ZNF768: variants seen among roughly 807,000 people sequenced by gnomAD.
The protein encoded by ZNF768 is zinc finger protein 768.
A neutral mutation model predicts 39.7 loss-of-function variants in ZNF768; 12 were observed. That is an observed-to-expected ratio of 0.30 (90% confidence interval 0.19 to 0.49). The LOEUF is 0.49. ZNF768 is among the 20% of genes least tolerant of loss of function. The probability of loss-of-function intolerance (pLI) is 0.99; values close to 1 mark genes in which losing one functional copy is unlikely to be tolerated. For synonymous variants in ZNF768, 360 were observed against 288.4 expected, an observed-to-expected ratio of 1.25 and a Z score of -2.52; for missense variants, 613 against 723.2, an observed-to-expected ratio of 0.85 and a Z score of 1.75.
chr16:30,526,858 C>T (rs2051333020), upstream of ZNF768: 1 of 985,362 alleles, frequency 1.0e-6, no homozygotes, highest in Non-Finnish European at 1.2e-6. Context: ...CGGCTCGCGC[C>T]GCGGCCTCTC....
upstream of ZNF768, chr16:30,527,293 G>C (rs1226088954): frequency 1.4e-5 from 14 of 986,028 alleles, no homozygotes; most frequent in South Asian, 6.6e-4. Flanking sequence ...CGTTCCTCCG[G>C]CCCCCACCCA....
chr16:30,532,386 A>AG, the ZNF768 span: 28 of 1,253,206 alleles, frequency 2.2e-5, no homozygotes, highest in South Asian at 2.8e-4. Context: ...TCCGCACCCC[A>AG]GGCCAGCTCT....
At chr16:30,531,382 T>G (rs1466862941), upstream of ZNF768, 1 of 152,220 alleles carries the variant, frequency 6.6e-6, no homozygotes, top group African/African-American at 2.4e-5. Flanking sequence ...AAATATCCCT[T>G]TAGATCTTCA....
rs1488567268 is a variant in ZNF768, at chr16:30,524,503, G to A, written c.*14C>T. The A allele has an allele frequency of 6.3e-7, 1 of 1,597,844 alleles. No homozygotes were observed. ...TCTTCTGCCCACACCTCCCACCCCT[G>A]CTGGGGCCCCAGGTCAGCGCCGGCC... On this transcript the variant is annotated 3_prime_UTR_variant, in exon 2 of 2. Coordinates refer to ENST00000380412, the MANE Select transcript of ZNF768 (RefSeq NM_024671.4).
At position 30,526,399 on chromosome 16, in the gene ZNF768, C is replaced by T. The variant is rs770832470; in HGVS notation, c.15G>A (p.Ala5=). The T allele has an allele frequency of 6.3e-7, 1 of 1,597,770 alleles. No homozygotes were observed. Among genetic ancestry groups the T allele is most frequent in the Non-Finnish European group, 8.5e-7 (1 of 1,173,618 alleles). Residue 5 remains alanine, a synonymous_variant, in exon 1 of 2, where the codon GCG becomes GCA. Transcript: ENST00000380412. The part of the protein sequence containing the change: MERE[A]LPWGLEPQDV... The stretch of plus-strand genomic sequence containing the variant: ...CCTGGGGCTCGAGGCCCCACGGCAA[C>T]GCCTCCCGCTCCATCCCCGCGGGCT...
At chr16:30,532,340 G>C in the ZNF768 span, 1 of 815,326 alleles carries the variant, frequency 1.2e-6, no homozygotes, top group South Asian at 1.7e-5. Context: ...GCAAGGTGCT[G>C]GCAGAAGAGG....
chr16:30,524,924 A>C lies in ZNF768; in HGVS notation c.1216T>G (p.Cys406Gly). Residue 406 changes from cysteine (C) to glycine (G), a missense_variant, in exon 2 of 2, where the codon TGC becomes GGC. Cys to Gly is a radical substitution (Grantham distance 159, BLOSUM62 -3). Transcript: ENST00000380412. ...TGQRPFSCGI[C>G]GKSFSQRSAL... Reference sequence around the variant, plus strand: ...GACCGCTGGGAGAAGCTCTTGCCGCAGATGCCACAGCTGAAGGGCCTCTGA... The same window carrying C: ...GACCGCTGGGAGAAGCTCTTGCCGCCGATGCCACAGCTGAAGGGCCTCTGA... 1 of 1,613,540 alleles carries C rather than the reference A, an allele frequency of 6.2e-7. No homozygotes were observed. The highest frequency in any genetic ancestry group is 8.5e-7 in the Non-Finnish European group (1 of 1,179,878).
chr16:30,526,883 G>C (rs2051333114), upstream of ZNF768: 1 of 985,186 alleles, frequency 1.0e-6, no homozygotes, highest in Non-Finnish European at 1.2e-6. Flanking sequence ...AGCCGCTGGA[G>C]GTGGAAACTC....
intron 1 of ZNF768, 58 bp downstream of exon 1, chr16:30,526,268 G>A: frequency 1.2e-6 from 2 of 1,601,072 alleles, no homozygotes; most frequent in Admixed American, 1.7e-5. Flanking sequence ...CCTCCCTGGA[G>A]CCACAGCCCC....
rs374871492 is a variant in ZNF768, at chr16:30,524,507, G to A, written c.*10C>T. 122 of 1,599,496 alleles carry A rather than the reference G, an allele frequency of 7.6e-5. No individual in the cohort carries two copies. The highest frequency in any genetic ancestry group is 1.0e-4 in the Non-Finnish European group (118 of 1,175,482). ...CTGCCCACACCTCCCACCCCTGCTG[G>A]GGCCCCAGGTCAGCGCCGGCCCGCC... is the stretch of plus-strand genomic sequence containing the variant. On this transcript the variant is annotated 3_prime_UTR_variant, in exon 2 of 2. Coordinates refer to ENST00000380412, the MANE Select transcript of ZNF768 (RefSeq NM_024671.4).
Position 30,526,366 on chromosome 16 carries a change from C to T in ZNF768, c.48G>A (p.Gln16=). ...LPWGLEPQDV[Q]SSDEMRSPEG... ...CGGGGCTCCTCATTTCGTCAGAACTCTGCACATCCTGGGGCTCGAGGCCCC... is the reference window on the plus strand; with the variant it reads ...CGGGGCTCCTCATTTCGTCAGAACTTTGCACATCCTGGGGCTCGAGGCCCC... Residue 16 remains glutamine, a synonymous_variant, in exon 1 of 2, where the codon CAG becomes CAA. Transcript: ENST00000380412. The T allele has an allele frequency of 6.2e-7, 1 of 1,605,012 alleles. No individual in the cohort carries two copies. The highest frequency in any genetic ancestry group is 8.5e-7 in the Non-Finnish European group (1 of 1,176,488).
rs371555501 is a variant in ZNF768 at position 30,525,915 on chromosome 16, T to C, written c.225A>G (p.Gln75=). 16 of 1,518,820 alleles carry C rather than the reference T, an allele frequency of 1.1e-5. No homozygotes were observed. In the African/African-American group the frequency reaches 2.0e-4, roughly 19 times the overall value. The allele number at this position is 1,518,820 out of a possible 1,614,324, so 94.1% of individuals were successfully genotyped here. The change falls in exon 2 of 2, where the codon CAA becomes CAG. Residue 75 remains glutamine (Q), a synonymous_variant. Transcript: ENST00000380412. ...FEPQSPEFEP[Q]SPRFEPESPG... ...GGCTTTCAGGCTCAAATCTGGGGCT[T>C]TGGGGTTCAAACTCTGGGCTTTGTG...
At position 30,526,342 on chromosome 16, in the gene ZNF768, G is replaced by A. The variant is rs1166513875; in HGVS notation, c.72C>T (p.Pro24=). Residue 24 remains proline (P), a synonymous_variant, in exon 1 of 2, where the codon CCC becomes CCT. Coordinates refer to ENST00000380412, the MANE Select transcript of ZNF768 (RefSeq NM_024671.4). Reference sequence around the variant, plus strand: ...CCTCCTCACCTCTGAGGTACCCTTCGGGGCTCCTCATTTCGTCAGAACTCT... The same window carrying A: ...CCTCCTCACCTCTGAGGTACCCTTCAGGGCTCCTCATTTCGTCAGAACTCT... ...DVQSSDEMRS[P]EGYLRGNMSE... 4.4e-6 allele frequency: 7 copies of A among 1,608,602 alleles called. No individual in the cohort carries two copies. Among genetic ancestry groups the A allele is most frequent in the East Asian group, 2.3e-5 (1 of 43,950 alleles).
At chr16:30,528,738 T>C (rs1422685169), upstream of ZNF768, among the ~76,000 whole-genome samples, 1 of 152,130 alleles carries the variant, frequency 6.6e-6, no homozygotes, top group Non-Finnish European at 1.5e-5. Context: ...GAGCCCACAG[T>C]CAAACAGCCT....
At chr16:30,532,441 G>A in the ZNF768 span, 9 of 1,540,788 alleles carry the variant, frequency 5.8e-6, no homozygotes, top group Admixed American at 1.9e-5. Context: ...GCAGAGGTTC[G>A]GGCCCCTGAG....
At position 30,525,602 on chromosome 16, in the gene ZNF768, G is replaced by A. The variant is rs763240044; in HGVS notation, c.538C>T (p.Pro180Ser). 1 of 1,614,230 alleles carries A rather than the reference G, an allele frequency of 6.2e-7. No individual in the cohort carries two copies. The highest frequency in any genetic ancestry group is 2.2e-5 in the East Asian group (1 of 44,892). ...ATATTCAAAGGACTCTTTTCCTCGG[G>A]GTTCAGAAGCATCTCCGCACCTTCC... is the stretch of plus-strand genomic sequence containing the variant. ...FQEGAEMLLNPEEKSPLNISV... is the reference protein window; with the variant it reads ...FQEGAEMLLNSEEKSPLNISV... Residue 180 changes from proline to serine, a missense_variant, in exon 2 of 2, where the codon CCC becomes TCC. Transcript: ENST00000380412.
Position 30,526,377 on chromosome 16 carries a change from G to T in ZNF768, c.37C>A (p.Gln13Lys). The change falls in exon 1 of 2, where the codon CAG becomes AAG. Residue 13 changes from glutamine to lysine, a missense_variant. Around this residue, in one of 4 missense-constraint regions of ZNF768, gnomAD observed 347 missense variants for 326.1 expected, o/e 1.06. Coordinates refer to ENST00000380412, the MANE Select transcript of ZNF768 (RefSeq NM_024671.4). ...ATTTCGTCAGAACTCTGCACATCCT[G>T]GGGCTCGAGGCCCCACGGCAACGCC... ...REALPWGLEP[Q>K]DVQSSDEMRS... 6.2e-7 allele frequency: 1 copy of T among 1,601,532 alleles called. No individual in the cohort carries two copies. The highest frequency in any genetic ancestry group is 1.1e-5 in the South Asian group (1 of 89,602).
At chr16:30,527,278 G>C, upstream of ZNF768, 2 of 986,076 alleles carry the variant, frequency 2.0e-6, no homozygotes, top group Non-Finnish European at 2.4e-6. Context: ...GCGCGCGCCC[G>C]CTCCCGTTCC....
intron 1 of ZNF768, 41 bp downstream of exon 1, chr16:30,526,285 T>C (rs1481179561): frequency 1.9e-6 from 3 of 1,605,492 alleles, no homozygotes; most frequent in East Asian, 2.3e-5. Flanking sequence ...CCCCTTCTCC[T>C]GCGCGCAAGT....
Sources: gnomAD v4.1 joint callset for allele counts (sites outside exome capture counted in the v4.1 genomes callset) on GRCh38, gnomAD v4.1.1 for gene constraint, gnomAD v4.1.1 regional missense constraint, MANE v1.5 for transcripts, NCBI Gene and HGNC (gene_info 2026-07-23, HGNC 2026-07-21) for gene names.